The following SLC35H1 variants were observed in gnomAD, a reference collection of about 807,000 sequenced individuals.
SLC35H1 encodes the protein ovarian cancer-overexpressed gene 1 protein.
the SLC35H1 span, chr20:46,358,615 AC>A: frequency 1.3e-6 from 2 of 1,578,924 alleles, no homozygotes; most frequent in Non-Finnish European, 1.7e-6. Flanking sequence ...TTCACCAAGA[AC>A]GTCTCCAGGC....
the SLC35H1 span, chr20:46,350,547 G>A: frequency 6.4e-7 from 1 of 1,566,886 alleles, no homozygotes. Flanking sequence ...AGAGACCACA[G>A]TTACAGGCCC....
chr20:46,351,411 G>A, the SLC35H1 span, among the ~76,000 whole-genome samples: 1 of 152,202 alleles, frequency 6.6e-6, no homozygotes, highest in South Asian at 2.1e-4. Flanking sequence ...TGCATTTCTG[G>A]GTTTAGGCAA....
chr20:46,351,469 C>T, the SLC35H1 span, among the ~76,000 whole-genome samples: 2 of 152,186 alleles, frequency 1.3e-5, no homozygotes, highest in African/African-American at 4.8e-5. Context: ...AAAGTCCCTC[C>T]CTGCCCCTGA....
chr20:46,353,739 G>A, the SLC35H1 span, among the ~76,000 whole-genome samples: 1 of 152,120 alleles, frequency 6.6e-6, no homozygotes, highest in African/African-American at 2.4e-5. Flanking sequence ...ACGACTACCA[G>A]GGGCTTTCAG....
the SLC35H1 span, chr20:46,355,650 A>C: frequency 8.9e-7 from 1 of 1,124,400 alleles, no homozygotes; most frequent in Non-Finnish European, 1.3e-6. This position sits in a 1 kb window ranked among gnomAD's most constrained non-coding sequence, Gnocchi z 4.8. Flanking sequence ...AGTATTGCCC[A>C]TGTCTAGGTC....
At chr20:46,347,763 C>G in the SLC35H1 span, 1 of 152,262 alleles carries the variant, frequency 6.6e-6, no homozygotes, top group Admixed American at 6.5e-5. Flanking sequence ...ATGCCGGGCC[C>G]TGCCTGATGG....
the SLC35H1 span, chr20:46,354,785 T>G: frequency 1.8e-6 from 2 of 1,113,300 alleles, no homozygotes; most frequent in African/African-American, 3.1e-5. Flanking sequence ...GCATCTTTGA[T>G]CTCAATAATC....
the SLC35H1 span, chr20:46,352,552 G>T: frequency 3.9e-6 from 1 of 254,768 alleles, no homozygotes; most frequent in Non-Finnish European, 7.6e-6. Flanking sequence ...GGATCCTAGC[G>T]GGATGATGGG....
the SLC35H1 span, chr20:46,355,952 A>G: frequency 2.5e-6 from 4 of 1,593,388 alleles, no homozygotes; most frequent in Middle Eastern, 1.7e-4. This position sits in a 1 kb window ranked among gnomAD's most constrained non-coding sequence, Gnocchi z 4.8. Context: ...CAGGAGCACA[A>G]ATCACTGAGC....
At chr20:46,348,443 A>T in the SLC35H1 span, 11 of 152,184 alleles carry the variant, frequency 7.2e-5, no homozygotes, top group Non-Finnish European at 1.2e-4. Flanking sequence ...AAGACGGAGG[A>T]GGCCCTGGCC....
At chr20:46,358,277 C>T in the SLC35H1 span, 1 of 1,034,496 alleles carries the variant, frequency 9.7e-7, no homozygotes, top group Non-Finnish European at 1.5e-6. Context: ...GACTGGCTTC[C>T]AGTTAGACTG....
chr20:46,357,065 A>C, the SLC35H1 span, among the ~76,000 whole-genome samples: 1 of 152,128 alleles, frequency 6.6e-6, no homozygotes, highest in Non-Finnish European at 1.5e-5. Context: ...CCGGGTTCTC[A>C]GTATCCTGAA....
chr20:46,362,683 C>A, the SLC35H1 span, among the ~76,000 whole-genome samples: 1 of 152,248 alleles, frequency 6.6e-6, no homozygotes, highest in Admixed American at 6.5e-5. Flanking sequence ...AACTCCTTCA[C>A]CCCCTGCTCT....
At chr20:46,360,449 A>C in the SLC35H1 span, among the ~76,000 whole-genome samples, 296 of 152,376 alleles carry the variant, frequency 1.9e-3, no homozygotes, top group Middle Eastern at 3.4e-3. Context: ...TGCAACTTCC[A>C]GCACTATTGT....
the SLC35H1 span, chr20:46,357,709 A>T: frequency 6.2e-7 from 1 of 1,614,152 alleles, no homozygotes; most frequent in Non-Finnish European, 8.5e-7. Context: ...CGCCCTGGAC[A>T]GGGCGGAGAA....
the SLC35H1 span, chr20:46,348,703 T>C: frequency 3.3e-5 from 5 of 152,216 alleles, no homozygotes; most frequent in Admixed American, 3.3e-4. Context: ...CGCCCCCTCC[T>C]GGCTTCAGTC....
the SLC35H1 span, chr20:46,346,323 T>A: frequency 6.6e-6 from 1 of 152,332 alleles, no homozygotes; most frequent in Non-Finnish European, 1.5e-5. Context: ...ATGTCAGGGC[T>A]GTGCAGTTAG....
chr20:46,351,985 T>C, the SLC35H1 span: 1 of 1,535,874 alleles, frequency 6.5e-7, no homozygotes, highest in Non-Finnish European at 8.9e-7. Context: ...GGACTGAAGC[T>C]GCTGGTGAGA....
chr20:46,355,434 C>T, the SLC35H1 span: 1 of 673,436 alleles, frequency 1.5e-6, no homozygotes, highest in Non-Finnish European at 2.5e-6. The surrounding 1 kb of genome is among the most constrained non-coding windows in gnomAD (Gnocchi z 4.8). Flanking sequence ...TGACGGTCAG[C>T]TGGTATGCCA....
Sources: gnomAD v4.1 joint callset for allele counts (sites outside exome capture counted in the v4.1 genomes callset) on GRCh38, gnomAD v4.1.1 for gene constraint, Gnocchi (gnomAD v3.1) non-coding constraint, MANE v1.5 for transcripts, NCBI Gene and HGNC (gene_info 2026-07-23, HGNC 2026-07-21) for gene names.